ARB2A: variants seen among roughly 807,000 people sequenced by gnomAD.
ARB2A encodes cotranscriptional regulator ARB2A.
At chr5:93,775,544 C>T in the ARB2A span, among the ~76,000 whole-genome samples, 1 of 152,236 alleles carries the variant, frequency 6.6e-6, no homozygotes, top group African/African-American at 2.4e-5. Context: ...TAGAGCCCAA[C>T]TGCTCCTAAC....
chr5:93,808,719 G>A, the ARB2A span, among the ~76,000 whole-genome samples: 5 of 151,882 alleles, frequency 3.3e-5, no homozygotes, highest in Non-Finnish European at 7.4e-5. Context: ...AGGCAAGTCA[G>A]GTAATTTATA....
At chr5:93,781,079 T>C in the ARB2A span, among the ~76,000 whole-genome samples, 3 of 152,174 alleles carry the variant, frequency 2.0e-5, no homozygotes, top group Non-Finnish European at 4.4e-5. Context: ...ATATACTGCA[T>C]AGTAGTAAAG....
the ARB2A span, among the ~76,000 whole-genome samples, chr5:93,686,044 A>G: frequency 6.6e-6 from 1 of 152,248 alleles, no homozygotes; most frequent in Non-Finnish European, 1.5e-5. Flanking sequence ...AGTGCTTTAC[A>G]TATATTATTA....
chr5:93,713,377 G>A, the ARB2A span, among the ~76,000 whole-genome samples: 3 of 151,932 alleles, frequency 2.0e-5, no homozygotes, highest in Admixed American at 6.6e-5. Context: ...CTAATAATCC[G>A]ATTTAAAAAT....
At chr5:93,661,497 T>C in the ARB2A span, among the ~76,000 whole-genome samples, 1 of 152,102 alleles carries the variant, frequency 6.6e-6, no homozygotes, top group Admixed American at 6.6e-5. Flanking sequence ...GCACAGCTGT[T>C]GAAACCAGGA....
chr5:94,010,061 C>T, the ARB2A span, among the ~76,000 whole-genome samples: 4 of 151,530 alleles, frequency 2.6e-5, no homozygotes, highest in Admixed American at 1.3e-4. Context: ...CTGCTGTTAC[C>T]TTCATCATTT....
the ARB2A span, among the ~76,000 whole-genome samples, chr5:93,955,048 C>CACAAGGAA: frequency 6.6e-6 from 1 of 152,126 alleles, no homozygotes; most frequent in Non-Finnish European, 1.5e-5. Flanking sequence ...GGGGTGGCAT[C>CACAAGGAA]GGCGATTCAA....
At chr5:93,785,404 T>A in the ARB2A span, among the ~76,000 whole-genome samples, 6 of 151,644 alleles carry the variant, frequency 4.0e-5, no homozygotes, top group African/African-American at 1.5e-4. Context: ...ATTCTTTTAT[T>A]GAAAAAAAGA....
the ARB2A span, among the ~76,000 whole-genome samples, chr5:93,944,092 T>C: frequency 1.3e-5 from 2 of 152,156 alleles, no homozygotes; most frequent in Admixed American, 1.3e-4. Context: ...GTGATGAATA[T>C]TGCTACAAAA....
the ARB2A span, among the ~76,000 whole-genome samples, chr5:93,634,571 A>G: frequency 6.6e-6 from 1 of 152,200 alleles, no homozygotes; most frequent in Admixed American, 6.5e-5. Flanking sequence ...AAGATCCTCC[A>G]GATCTCTTTA....
chr5:93,944,669 G>A, the ARB2A span, among the ~76,000 whole-genome samples: 2 of 151,410 alleles, frequency 1.3e-5, no homozygotes, highest in Non-Finnish European at 2.9e-5. Flanking sequence ...GGAAAGAATG[G>A]GAAGAAGAGA....
the ARB2A span, among the ~76,000 whole-genome samples, chr5:93,895,473 G>A: frequency 1.1e-4 from 16 of 152,186 alleles, no homozygotes; most frequent in African/African-American, 3.6e-4. Flanking sequence ...TTTTCAATTA[G>A]ATTTATTGCC....
At chr5:93,800,868 T>C in the ARB2A span, among the ~76,000 whole-genome samples, 4 of 152,154 alleles carry the variant, frequency 2.6e-5, no homozygotes, top group Non-Finnish European at 5.9e-5. Context: ...AATTTTTCTC[T>C]TTCATTTTTA....
At chr5:93,665,382 C>T in the ARB2A span, among the ~76,000 whole-genome samples, 1 of 152,098 alleles carries the variant, frequency 6.6e-6, no homozygotes, top group Non-Finnish European at 1.5e-5. Context: ...GCTATACACA[C>T]CCCAAACAGC....
At chr5:93,938,285 ATTCCT>A in the ARB2A span, among the ~76,000 whole-genome samples, 2 of 152,196 alleles carry the variant, frequency 1.3e-5, no homozygotes, top group Admixed American at 1.3e-4. Flanking sequence ...AAATGAACTA[ATTCCT>A]TTAATTTAAT....
the ARB2A span, among the ~76,000 whole-genome samples, chr5:93,942,399 G>T: frequency 0.093 from 14,110 of 151,826 alleles, 819 homozygotes; most frequent in Middle Eastern, 0.16. Flanking sequence ...TTAAAATTTA[G>T]AATTAGTGAT....
the ARB2A span, among the ~76,000 whole-genome samples, chr5:94,068,930 G>C: frequency 3.3e-5 from 5 of 151,556 alleles, no homozygotes; most frequent in African/African-American, 1.2e-4. Context: ...AGCTACTCAG[G>C]AGGCTGAGAC....
At chr5:93,741,702 G>T in the ARB2A span, 2 of 1,008,324 alleles carry the variant, frequency 2.0e-6, no homozygotes, top group African/African-American at 3.3e-5. Flanking sequence ...GCGTAGGCGG[G>T]GAAATCTGGT....
chr5:93,637,934 T>C, the ARB2A span, among the ~76,000 whole-genome samples: 1 of 152,146 alleles, frequency 6.6e-6, no homozygotes, highest in Admixed American at 6.6e-5. Flanking sequence ...AGGCTAAGGT[T>C]TGCCATGTGG....
Sources: gnomAD v4.1 joint callset for allele counts (sites outside exome capture counted in the v4.1 genomes callset) on GRCh38, gnomAD v4.1.1 for gene constraint, MANE v1.5 for transcripts, NCBI Gene and HGNC (gene_info 2026-07-23, HGNC 2026-07-21) for gene names.